Variants in MKLN1 observed in about 807,000 individuals in gnomAD.
The protein encoded by MKLN1 is muskelin 1.
Under a neutral mutation model 99.0 loss-of-function variants are expected in MKLN1, and 18 were observed. That is an observed-to-expected ratio of 0.18 (90% confidence interval 0.13 to 0.27). The LOEUF is 0.27. Ranked by LOEUF, MKLN1 falls within the 10% of genes least tolerant of loss-of-function variation. MKLN1 has a pLI of 1.00. For missense variants in MKLN1, 621 were observed against 875.9 expected (o/e 0.71, Z 3.67); for synonymous variants, 288 against 293.2 (o/e 0.98, Z 0.18).
chr7:131,416,979 C>CAAAAAAAAAAAAAAAAAAA (rs374145180), intron 8 of MKLN1, among the ~76,000 whole-genome samples: 1 of 49,564 alleles, frequency 2.0e-5, no homozygotes, highest in Non-Finnish European at 4.5e-5. Context: ...GCAACCCTGT[C>CAAAAAAAAAAAAAAAAAAA]AAAAAAAAAA....
At chr7:131,459,484 A>G (rs1383240579) in intron 12 of MKLN1, among the ~76,000 whole-genome samples, 2 of 152,212 alleles carry the variant, frequency 1.3e-5, no homozygotes, top group Non-Finnish European at 2.9e-5. Context: ...GGAGGGCAGA[A>G]GAAGGTGAGA....
At chr7:131,369,402 G>A (rs1016307218) in intron 1 of MKLN1, among the ~76,000 whole-genome samples, 1 of 151,928 alleles carries the variant, frequency 6.6e-6, no homozygotes, top group African/African-American at 2.4e-5. Flanking sequence ...CAATTTGATG[G>A]GTAAAAAGGG....
chr7:131,415,511 TAAG>T (rs1215470730), intron 8 of MKLN1, among the ~76,000 whole-genome samples: 1 of 152,152 alleles, frequency 6.6e-6, no homozygotes, highest in Non-Finnish European at 1.5e-5. Context: ...ATAATTTTTG[TAAG>T]AAGAGAAATT....
At chr7:131,320,644 C>T (rs1798757762) in intron 3 of MKLN1, among the ~76,000 whole-genome samples, 2 of 152,074 alleles carry the variant, frequency 1.3e-5, no homozygotes, top group Admixed American at 1.3e-4. Context: ...GAAAAGGCAA[C>T]CTACAGAATG....
At chr7:131,359,268 A>G (rs1799961486) in intron 1 of MKLN1, among the ~76,000 whole-genome samples, 1 of 152,134 alleles carries the variant, frequency 6.6e-6, no homozygotes, top group African/African-American at 2.4e-5. Flanking sequence ...GCTTTGACCC[A>G]TGTATCATTT....
intron 17 of MKLN1, among the ~76,000 whole-genome samples, chr7:131,481,167 T>G (rs1213665514): frequency 6.6e-6 from 1 of 152,180 alleles, no homozygotes; most frequent in African/African-American, 2.4e-5. Flanking sequence ...TTATATAGCC[T>G]AGTGATTAGG....
intron 3 of MKLN1, among the ~76,000 whole-genome samples, chr7:131,287,143 G>T (rs1798143997): frequency 6.6e-6 from 1 of 152,100 alleles, no homozygotes; most frequent in Admixed American, 6.5e-5. Context: ...AATATAAAAG[G>T]CAGGCAAAAG....
intron 2 of MKLN1, among the ~76,000 whole-genome samples, chr7:131,200,677 TGCAATG>T (rs1425087204): frequency 6.6e-6 from 1 of 152,256 alleles, no homozygotes; most frequent in African/African-American, 2.4e-5. Context: ...AGATTTTCCA[TGCAATG>T]GCTCTGTTTA....
intron 2 of MKLN1, among the ~76,000 whole-genome samples, chr7:131,189,373 T>C (rs1043830337): frequency 1.2e-4 from 19 of 152,186 alleles, no homozygotes; most frequent in African/African-American, 4.6e-4. Flanking sequence ...CCTCAATAAA[T>C]GATGTTACGT....
chr7:131,429,137 GA>G lies in MKLN1; in HGVS notation c.957del (p.Glu320ArgfsTer32). 6.2e-7 allele frequency: 1 copy of G among 1,609,390 alleles called. No individual in the cohort carries two copies. The highest frequency in any genetic ancestry group is 8.5e-7 in the Non-Finnish European group (1 of 1,176,614). On this transcript the variant is annotated frameshift_variant, in exon 9 of 18. Coordinates refer to ENST00000352689, the MANE Select transcript of MKLN1 (RefSeq NM_013255.5). LOFTEE classifies it high-confidence loss of function. ...NQWTCISRDT[E>X]KENGPSARSC... ...GTGGACATGTATCTCTAGAGACACT[GA>G]AAAAGAGGCAAGTTCTCAGACTTTT...
At chr7:131,216,245 C>CA (rs1358582588) in intron 3 of MKLN1, among the ~76,000 whole-genome samples, 4 of 151,682 alleles carry the variant, frequency 2.6e-5, no homozygotes, top group Non-Finnish European at 5.9e-5. Flanking sequence ...ACTAAAAATA[C>CA]AAAAAACTGT....
rs1406152482 is a variant in MKLN1 at position 131,192,056 on chromosome 7, GTATATATATAT to G, written c.-296-10790_-296-10780del. ...TATGTGTGTGTGTATATGTATACAT[GTATATATATAT>G]TATATATATACATATATATTATATA... is the stretch of plus-strand genomic sequence containing the variant. On this transcript the variant is annotated intron_variant, in intron 2 of 7. Transcript: ENST00000416992. 3.1e-5 allele frequency among the ~76,000 whole-genome samples: 3 copies of G among 96,712 alleles called. No homozygotes were observed. The East Asian group carries it at 6.3e-4, about 20-fold the overall frequency. 63.4% of individuals were successfully genotyped at this position (96,712 alleles called of 152,430 possible).
intron 9 of MKLN1, among the ~76,000 whole-genome samples, chr7:131,437,257 ATG>A (rs934574578): frequency 4.1e-4 from 62 of 151,716 alleles, no homozygotes; most frequent in Non-Finnish European, 1.5e-5. Context: ...CTGGTGTGTG[ATG>A]TTCCCTGCCC....
At chr7:131,299,008 G>C (rs1798336707) in intron 3 of MKLN1, among the ~76,000 whole-genome samples, 1 of 152,128 alleles carries the variant, frequency 6.6e-6, no homozygotes, top group South Asian at 2.1e-4. Context: ...GCGAGATTCT[G>C]TCTCTATTGT....
intron 2 of MKLN1, among the ~76,000 whole-genome samples, chr7:131,167,072 C>T (rs1050842135): frequency 5.3e-5 from 8 of 152,122 alleles, no homozygotes; most frequent in Admixed American, 3.9e-4. Context: ...CCCCTCTCTC[C>T]AGTTTCCTCT....
At chr7:131,426,445 A>T (rs1227701263) in intron 8 of MKLN1, among the ~76,000 whole-genome samples, 3 of 150,362 alleles carry the variant, frequency 2.0e-5, no homozygotes, top group South Asian at 4.2e-4. Flanking sequence ...AAATTCTTTA[A>T]TTTTTTTTTT....
At chr7:131,442,169 G>A (rs2116499386) in intron 10 of MKLN1, among the ~76,000 whole-genome samples, 1 of 152,162 alleles carries the variant, frequency 6.6e-6, no homozygotes, top group East Asian at 1.9e-4. Context: ...TGGCTAATGA[G>A]GTAGATCTTT....
At chr7:131,285,437 G>T (rs912773978) in intron 3 of MKLN1, among the ~76,000 whole-genome samples, 2 of 152,164 alleles carry the variant, frequency 1.3e-5, no homozygotes, top group African/African-American at 2.4e-5. Flanking sequence ...CCAATTTTCC[G>T]AAATGAGGTA....
chr7:131,173,698 C>G (rs2632206), intron 2 of MKLN1, among the ~76,000 whole-genome samples: 146,014 of 152,222 alleles, frequency 0.96, 70,323 homozygotes, highest in East Asian at 1. Flanking sequence ...CAACCTGGGT[C>G]ATAGAGCAAG....
Sources: gnomAD v4.1 joint callset for allele counts (sites outside exome capture counted in the v4.1 genomes callset) on GRCh38, gnomAD v4.1.1 for gene constraint, MANE v1.5 for transcripts, NCBI Gene and HGNC (gene_info 2026-07-23, HGNC 2026-07-21) for gene names.